HDLBP: variants seen among roughly 807,000 people sequenced by gnomAD.
HDLBP encodes vigilin.
In HDLBP, 30 loss-of-function variants were observed where a neutral mutation model predicts 137.3. The ratio of observed to expected loss-of-function variants is 0.22; its 90% CI spans 0.16 to 0.30. The LOEUF is 0.30. HDLBP is among the 10% of genes least tolerant of loss of function. The pLI is 1.00. For synonymous variants in HDLBP, 606 were observed against 596.0 expected, an observed-to-expected ratio of 1.02 and a Z score of -0.24; for missense variants, 1,119 against 1,667.3, an observed-to-expected ratio of 0.67 and a Z score of 5.73.
At chr2:241,248,666 C>T (rs376241089) in intron 12 of HDLBP, among the ~76,000 whole-genome samples, 35 of 152,272 alleles carry the variant, frequency 2.3e-4, no homozygotes, top group African/African-American at 7.5e-4. Context: ...ATCACCAAAG[C>T]AATTCAGTGA....
intron 16 of HDLBP, among the ~76,000 whole-genome samples, chr2:241,243,966 A>G (rs561984118): frequency 6.6e-6 from 1 of 152,348 alleles, no homozygotes; most frequent in Admixed American, 6.5e-5. Context: ...TCAGCCAGCC[A>G]AGGACAGAAA....
intron 1 of HDLBP, among the ~76,000 whole-genome samples, chr2:241,314,415 T>C (rs76287111): frequency 6.6e-6 from 1 of 152,188 alleles, no homozygotes; most frequent in African/African-American, 2.4e-5. Flanking sequence ...TTAAGGAAGT[T>C]AGCTGCTAAG....
At chr2:241,281,192 C>T (rs1385048649) in intron 1 of HDLBP, among the ~76,000 whole-genome samples, 1 of 152,144 alleles carries the variant, frequency 6.6e-6, no homozygotes, top group Non-Finnish European at 1.5e-5. Context: ...CCCATCTCTA[C>T]TAAAACACAA....
chr2:241,261,576 C>T (rs1387542238), intron 5 of HDLBP, among the ~76,000 whole-genome samples: 1 of 152,156 alleles, frequency 6.6e-6, no homozygotes, highest in East Asian at 1.9e-4. Flanking sequence ...GGCCCTTTCC[C>T]CTACAGTGTT....
chr2:241,275,791 G>A (rs554375068), intron 1 of HDLBP, among the ~76,000 whole-genome samples: 18 of 152,214 alleles, frequency 1.2e-4, no homozygotes, highest in East Asian at 5.8e-4. Context: ...AAATTATGGC[G>A]AAAGAAATAA....
chr2:241,235,440 G>C, intron 22 of HDLBP, 50 bp downstream of exon 22: 1 of 1,487,618 alleles, frequency 6.7e-7, no homozygotes, highest in South Asian at 1.1e-5. Context: ...ACTCGGGAGA[G>C]GATGCGACAG....
chr2:241,252,827 G>C (rs2072301962), intron 11 of HDLBP, 130 bp downstream of exon 11: 5 of 606,594 alleles, frequency 8.2e-6, no homozygotes, highest in Non-Finnish European at 1.2e-5. Flanking sequence ...AGGATGTAAA[G>C]TCTGTAACTC....
chr2:241,267,626 C>G (rs569372914), intron 2 of HDLBP: 1 of 1,535,606 alleles, frequency 6.5e-7, no homozygotes. Flanking sequence ...AAAAAGCCAG[C>G]GGTCTCTCTC....
chr2:241,290,587 G>A (rs2074981341), intron 1 of HDLBP, among the ~76,000 whole-genome samples: 2 of 150,750 alleles, frequency 1.3e-5, no homozygotes, highest in Non-Finnish European at 3.0e-5. Context: ...TCCAGCCTGG[G>A]CAACAAGAAC....
At chr2:241,305,985 C>T (rs1040161211) in intron 1 of HDLBP, among the ~76,000 whole-genome samples, 7 of 152,086 alleles carry the variant, frequency 4.6e-5, no homozygotes, top group African/African-American at 1.7e-4. Context: ...TGGTCTCGAT[C>T]TCCTGACCTC....
chr2:241,230,280 T>C lies in HDLBP; in HGVS notation c.3475-11A>G, dbSNP rs1474394189. 2.0e-6 allele frequency: 3 copies of C among 1,532,100 alleles called. No homozygotes were observed. The highest frequency in any genetic ancestry group is 2.7e-6 in the Non-Finnish European group (3 of 1,119,268). The allele number at this position is 1,532,100 out of a possible 1,614,324, so 94.9% of individuals were successfully genotyped here. The stretch of plus-strand genomic sequence containing the variant: ...GAAGCGAATGTCCACCTGGAAGGGG[T>C]GTACAACGTCAGATGAGGGGACTCC... On this transcript the variant is annotated splice_polypyrimidine_tract_variant and intron_variant, in intron 25 of 27. Transcript: ENST00000310931. This position sits in a 1 kb window ranked among gnomAD's most constrained non-coding sequence, Gnocchi z 5.0.
At chr2:241,259,127 G>A (rs2072947763) in intron 5 of HDLBP, among the ~76,000 whole-genome samples, 1 of 152,142 alleles carries the variant, frequency 6.6e-6, no homozygotes, top group South Asian at 2.1e-4. Context: ...ATATTACACT[G>A]CTGAACAAAG....
Position 241,272,271 on chromosome 2 carries a change from G to A in HDLBP, c.-102-3730C>T. The stretch of plus-strand genomic sequence containing the variant: ...GCCGCCACCTGGGGGGAAGGACCCC[G>A]CTGGCCTCCCAGGGACCCCCACCCT... On this transcript the variant is annotated intron_variant, in intron 1 of 27. Transcript: ENST00000310931. This position sits in a 1 kb window ranked among gnomAD's most constrained non-coding sequence, Gnocchi z 5.6. 1.0e-6 allele frequency: 1 copy of A among 975,480 alleles called. No homozygotes were observed. Among genetic ancestry groups the A allele is most frequent in the Non-Finnish European group, 1.2e-6 (1 of 821,184 alleles). The allele number at this position is 975,480 out of a possible 1,614,324, so 60.4% of individuals were successfully genotyped here.
intron 17 of HDLBP, among the ~76,000 whole-genome samples, chr2:241,242,069 T>C (rs1415786050): frequency 1.3e-5 from 2 of 152,216 alleles, no homozygotes; most frequent in Non-Finnish European, 2.9e-5. Flanking sequence ...CAGATGGGTT[T>C]TGACACAAGG....
chr2:241,237,858 G>T (rs2070747802), intron 20 of HDLBP, among the ~76,000 whole-genome samples: 3 of 152,228 alleles, frequency 2.0e-5, no homozygotes, highest in Non-Finnish European at 2.9e-5. Context: ...ACAGAGTGCA[G>T]TATGAGTTTA....
chr2:241,262,599 C>A, intron 5 of HDLBP, 112 bp downstream of exon 5: 1 of 750,092 alleles, frequency 1.3e-6, no homozygotes. Flanking sequence ...CTCCAAAAGA[C>A]GGAACTGTCC....
rs369992394 is a variant in HDLBP, at chr2:241,262,950, G to A, written c.235-24C>T. On this transcript the variant is annotated intron_variant, in intron 4 of 27. Coordinates refer to ENST00000310931, the MANE Select transcript of HDLBP (RefSeq NM_005336.6). ...ACCTGCTCAAAAAAGATCAAAAAAG[G>A]AAAGGTTAAGAGATTAAAAGAAGGC... The A allele has an allele frequency of 1.8e-5, 28 of 1,575,426 alleles. No homozygotes were observed. In the Middle Eastern group the frequency reaches 5.0e-4, roughly 28 times the overall value.
At chr2:241,237,746 A>G (rs1684787867) in intron 20 of HDLBP, among the ~76,000 whole-genome samples, 1 of 152,224 alleles carries the variant, frequency 6.6e-6, no homozygotes, top group South Asian at 2.1e-4. Flanking sequence ...AAAGGGGAGA[A>G]GTTGAGAAAA....
intron 24 of HDLBP, 156 bp from the exon 25 acceptor site, chr2:241,231,100 C>A (rs2069687818): frequency 3.0e-6 from 2 of 657,878 alleles, no homozygotes; most frequent in Admixed American, 5.5e-5. Flanking sequence ...AATGTCCACT[C>A]AGGGCCGGGC....
Sources: gnomAD v4.1 joint callset for allele counts (sites outside exome capture counted in the v4.1 genomes callset) on GRCh38, gnomAD v4.1.1 for gene constraint, Gnocchi (gnomAD v3.1) non-coding constraint, MANE v1.5 for transcripts, NCBI Gene and HGNC (gene_info 2026-07-23, HGNC 2026-07-21) for gene names.